Variants in CCDC186 observed in about 807,000 individuals in gnomAD.
The protein encoded by CCDC186 is coiled-coil domain-containing protein 186.
In CCDC186, 49 loss-of-function variants were observed where a neutral mutation model predicts 113.7. The ratio of observed to expected loss-of-function variants is 0.43; its 90% CI spans 0.34 to 0.55. The LOEUF (loss-of-function observed/expected upper bound fraction) is 0.55, where lower values mean the gene tolerates loss of function less well. CCDC186 is among the 20% of genes least tolerant of loss of function. The probability of loss-of-function intolerance (pLI) is 0.02; values close to 1 mark genes in which losing one functional copy is unlikely to be tolerated. For synonymous variants in CCDC186, 355 were observed against 345.8 expected (o/e 1.03, Z -0.30); for missense variants, 890 against 1,011.1 (o/e 0.88, Z 1.62).
chr10:114,135,986 A>C lies in CCDC186; in HGVS notation c.1426-9T>G. ...ATTTTGGCATGATGCATCTTTAAAA[A>C]AGTTTAAAAGAAACAACAAATCATA... is the stretch of plus-strand genomic sequence containing the variant. On this transcript the variant is annotated splice_polypyrimidine_tract_variant and intron_variant, in intron 8 of 15. Transcript: ENST00000369287. The C allele has an allele frequency of 6.2e-7, 1 of 1,603,012 alleles. No individual in the cohort carries two copies. The highest frequency in any genetic ancestry group is 8.5e-7 in the Non-Finnish European group (1 of 1,170,910).
Position 114,124,624 on chromosome 10 carries a change from T to G in CCDC186, c.*519A>C, listed in dbSNP as rs187937463. Reference sequence around the variant, plus strand: ...TATTAAGTTCAGCTTTCATTAAAACTGAAATTAAAAGATTTAAATATTCAT... The same window carrying G: ...TATTAAGTTCAGCTTTCATTAAAACGGAAATTAAAAGATTTAAATATTCAT... On this transcript the variant is annotated 3_prime_UTR_variant, in exon 16 of 16. Transcript: ENST00000369287. 1.3e-5 allele frequency: 2 copies of G among 152,356 alleles called. No homozygotes were observed. The highest frequency in any genetic ancestry group is 3.9e-4 in the East Asian group (2 of 5,188). The allele number at this position is 152,356 out of a possible 1,614,324, so 9.4% of individuals were successfully genotyped here.
intron 5 of CCDC186, among the ~76,000 whole-genome samples, 154 bp from the exon 6 acceptor site, chr10:114,144,770 G>T (rs1012132344): frequency 3.9e-5 from 6 of 152,098 alleles, no homozygotes; most frequent in Non-Finnish European, 7.4e-5. Flanking sequence ...AAGTCCAAAT[G>T]AGAAGAGGGT....
chr10:114,147,297 A>G (rs1467770597), intron 4 of CCDC186, among the ~76,000 whole-genome samples: 1 of 152,222 alleles, frequency 6.6e-6, no homozygotes, highest in African/African-American at 2.4e-5. Flanking sequence ...AAACATTATA[A>G]TATGAAAAAT....
At chr10:114,162,442 T>C (rs2032198963) in intron 2 of CCDC186, 195 bp downstream of exon 2, 3 of 478,784 alleles carry the variant, frequency 6.3e-6, no homozygotes, top group Non-Finnish European at 1.1e-5. Context: ...ATTTAACATA[T>C]TGAACTCAGA....
chr10:114,137,953 C>T lies in CCDC186; in HGVS notation c.1222-663G>A, dbSNP rs183948348. ...CAGGAAGGCTGAAGCAGGAGAATCA[C>T]TTGAACCCAGGAGGCGGAGGTTGCG... On this transcript the variant is annotated intron_variant, in intron 6 of 15. Transcript: ENST00000369287. Among the ~76,000 whole-genome samples the T allele has an allele frequency of 4.5e-3, 632 of 139,622 alleles. 4 individuals carry two copies. The highest frequency in any genetic ancestry group is 0.015 in the African/African-American group (587 of 38,562). The allele number at this position is 139,622 out of a possible 152,430, so 91.6% of individuals were successfully genotyped here. A position where few individuals can be genotyped will look rare whatever the true frequency, so the allele number is the denominator to read the frequency against.
At chr10:114,167,693 G>C (rs184913019) in intron 1 of CCDC186, among the ~76,000 whole-genome samples, 44 of 151,652 alleles carry the variant, frequency 2.9e-4, no homozygotes, top group Non-Finnish European at 5.7e-4. Context: ...TGATACACTG[G>C]GGGTGCAGCA....
Position 114,153,196 on chromosome 10 carries a change from A to G in CCDC186, c.760-1976T>C, listed in dbSNP as rs79376119. ...TAGTGCACATGGAATATTCCATGAC[A>G]GAGGATATGCTAGGTTACAAACAAA... On this transcript the variant is annotated intron_variant, in intron 3 of 15. Transcript: ENST00000369287. Among the ~76,000 whole-genome samples the G allele has an allele frequency of 4.7e-3, 713 of 152,338 alleles. 6 individuals are homozygous for G. Among genetic ancestry groups the G allele is most frequent in the African/African-American group, 0.017 (686 of 41,568 alleles).
intron 6 of CCDC186, among the ~76,000 whole-genome samples, chr10:114,138,468 A>G (rs776392900): frequency 1.3e-5 from 2 of 151,224 alleles, no homozygotes; most frequent in Non-Finnish European, 2.9e-5. Context: ...TAATTTTTGT[A>G]TTTTTAGTAG....
chr10:114,171,062 G>C (rs2032480796), intron 1 of CCDC186, among the ~76,000 whole-genome samples: 1 of 152,120 alleles, frequency 6.6e-6, no homozygotes, highest in South Asian at 2.1e-4. Flanking sequence ...AAATACTAAA[G>C]CAGAAAGTTA....
At chr10:114,145,819 T>C in intron 4 of CCDC186, 58 bp from the exon 5 acceptor site, 5 of 1,448,330 alleles carry the variant, frequency 3.5e-6, no homozygotes, top group Non-Finnish European at 4.6e-6. Context: ...TGGAAATGTA[T>C]TGAAATACAT....
At chr10:114,142,837 G>C (rs1342080978) in intron 6 of CCDC186, among the ~76,000 whole-genome samples, 2 of 152,166 alleles carry the variant, frequency 1.3e-5, no homozygotes, top group Admixed American at 6.5e-5. Flanking sequence ...AGTGTCTCGT[G>C]TCTCTTGCCC....
Position 114,126,008 on chromosome 10 carries a change from T to C in CCDC186, c.2491A>G (p.Met831Val), listed in dbSNP as rs2030888327. ...KVHLSRRGGI[M>V]ASLYTSHPAD... ...GGATGGGATGTATATAAAGATGCCA[T>C]GATGCCACCCCGTCTACTTAAATGA... is the stretch of plus-strand genomic sequence containing the variant. The change falls in exon 15 of 16, where the codon ATG (methionine) becomes GTG (valine). Residue 831 changes from methionine (M) to valine (V), a missense_variant. Transcript: ENST00000369287. 4 of 1,614,060 alleles carry C rather than the reference T, an allele frequency of 2.5e-6. No homozygotes were observed. The highest frequency in any genetic ancestry group is 3.4e-6 in the Non-Finnish European group (4 of 1,179,948).
chr10:114,130,695 A>C (rs889792822), intron 12 of CCDC186: 1 of 152,216 alleles, frequency 6.6e-6, no homozygotes, highest in Admixed American at 6.5e-5. Flanking sequence ...AAGAAATCAC[A>C]GGAATGTAAA....
intron 1 of CCDC186, among the ~76,000 whole-genome samples, chr10:114,169,234 C>CTTTTT (rs34677282): frequency 2.2e-3 from 211 of 97,454 alleles, no homozygotes; most frequent in East Asian, 4.3e-3. Flanking sequence ...TAGTACCATT[C>CTTTTT]TTTTTTTTTT....
chr10:114,157,427 A>C, intron 3 of CCDC186, 127 bp downstream of exon 3: 1 of 769,306 alleles, frequency 1.3e-6, no homozygotes, highest in Non-Finnish European at 1.9e-6. Flanking sequence ...CCTGGGCTCA[A>C]GTAATCCGCC....
chr10:114,171,021 G>T (rs1295046858), intron 1 of CCDC186, among the ~76,000 whole-genome samples: 1 of 152,068 alleles, frequency 6.6e-6, no homozygotes, highest in Non-Finnish European at 1.5e-5. Context: ...TATCAGCTCG[G>T]TAATTTTACA....
Position 114,134,969 on chromosome 10 carries a change from A to T in CCDC186, c.1599T>A (p.Ile533=), listed in dbSNP as rs1205099106. ...KEIINRQKAE[I]QNLLDKVKTA... The stretch of plus-strand genomic sequence containing the variant: ...TTTTCACCTTGTCCAATAAATTCTG[A>T]ATTTCAGCTTTTTGGCGATTAATAA... Residue 533 remains isoleucine, a synonymous_variant, in exon 10 of 16, where the codon ATT becomes ATA. Coordinates refer to ENST00000369287, the MANE Select transcript of CCDC186 (RefSeq NM_018017.4). 1 of 1,612,562 alleles carries T rather than the reference A, an allele frequency of 6.2e-7. No homozygotes were observed. Among genetic ancestry groups the T allele is most frequent in the Admixed American group, 1.7e-5 (1 of 59,838 alleles).
At chr10:114,142,718 A>G (rs1489748952) in intron 6 of CCDC186, among the ~76,000 whole-genome samples, 1 of 152,206 alleles carries the variant, frequency 6.6e-6, no homozygotes, top group Non-Finnish European at 1.5e-5. Context: ...ACCAGAAGCT[A>G]CTGATCACAA....
chr10:114,162,848 A>G lies in CCDC186; in HGVS notation c.421T>C (p.Tyr141His), dbSNP rs145366675. The change falls in exon 2 of 16, where the codon TAT becomes CAT. Residue 141 changes from tyrosine (Y) to histidine (H), a missense_variant. By Grantham distance (83) the Tyr-to-His change is moderately conservative. Coordinates refer to ENST00000369287, the MANE Select transcript of CCDC186 (RefSeq NM_018017.4). ...AATTTCTTGGTGCAGTCTGTATCAT[A>G]GGGGCTTTCTGAATAAGTCTTTTCA... is the stretch of plus-strand genomic sequence containing the variant. ...ANEKTYSESPYDTDCTKKFIS... is the reference protein window; with the variant it reads ...ANEKTYSESPHDTDCTKKFIS... The G allele has an allele frequency of 7.2e-4, 1,170 of 1,614,012 alleles. 1 individual carries two copies. The highest frequency in any genetic ancestry group is 9.5e-4 in the Non-Finnish European group (1,121 of 1,179,938).
Sources: allele counts gnomAD v4.1 joint callset (sites outside exome capture counted in the v4.1 genomes callset), GRCh38; gene constraint gnomAD v4.1.1; transcripts MANE v1.5; gene names NCBI Gene and HGNC (gene_info 2026-07-23, HGNC 2026-07-21).